PDE1C: variants seen among roughly 807,000 people sequenced by gnomAD.
The protein encoded by PDE1C is phosphodiesterase 1C.
Under a neutral mutation model 93.1 loss-of-function variants are expected in PDE1C, and 62 were observed. The ratio of observed to expected loss-of-function variants is 0.67; its 90% confidence interval spans 0.54 to 0.82. The LOEUF (loss-of-function observed/expected upper bound fraction) is 0.82, where lower values mean the gene tolerates loss of function less well. Ranked by LOEUF, PDE1C falls within the 40% of genes least tolerant of loss-of-function variation. The probability of loss-of-function intolerance (pLI) is 0.00; values close to 1 mark genes in which losing one functional copy is unlikely to be tolerated. For missense variants in PDE1C, 742 were observed against 884.6 expected, an observed-to-expected ratio of 0.84 and a Z score of 2.04; for synonymous variants, 325 against 310.1, an observed-to-expected ratio of 1.05 and a Z score of -0.50.
rs367818926 is a variant in PDE1C at position 31,758,113 on chromosome 7, C to T, written c.1961-4560G>A. Among the ~76,000 whole-genome samples, 14 of 152,084 alleles carry T rather than the reference C, an allele frequency of 9.2e-5. 1 individual carries two copies. Among genetic ancestry groups the T allele is most frequent in the South Asian group, 2.1e-4 (1 of 4,816 alleles). On this transcript the variant is annotated intron_variant, in intron 17 of 17. Coordinates refer to ENST00000396191, the MANE Select transcript of PDE1C (RefSeq NM_001191057.4). ...ATTGAACAATGAGAACACTTGGGCA[C>T]GAGAAGGGGAACATCACACACCAGG...
chr7:32,320,613 G>GCA (rs1279102399), intron 1 of PDE1C, among the ~76,000 whole-genome samples: 2 of 134,312 alleles, frequency 1.5e-5, no homozygotes, highest in Admixed American at 7.1e-5. Flanking sequence ...AGGTGCTTAG[G>GCA]CACACACATA....
At position 32,248,861 on chromosome 7, in the gene PDE1C, C is replaced by T. The variant is rs537557505; in HGVS notation, c.86-39322G>A. Among the ~76,000 whole-genome samples, 6 of 152,170 alleles carry T rather than the reference C, an allele frequency of 3.9e-5. No homozygotes were observed. The East Asian group carries it at 1.2e-3, about 29-fold the overall frequency. ...GCTTCCTTTTGTTTTTTGCTTTGTA[C>T]GTGAATGCTGCTGTGTATGGGAAGA... On this transcript the variant is annotated intron_variant, in intron 1 of 18. Coordinates refer to the PDE1C transcript ENST00000396193.
intron 6 of PDE1C, among the ~76,000 whole-genome samples, chr7:31,869,510 G>A (rs1000652326): frequency 1.3e-5 from 2 of 151,894 alleles, no homozygotes; most frequent in Non-Finnish European, 2.9e-5. Context: ...GTCAAAAATG[G>A]TAAAAAGAGA....
chr7:31,623,399 A>C, the PDE1C span, among the ~76,000 whole-genome samples: 21 of 150,632 alleles, frequency 1.4e-4, no homozygotes, highest in South Asian at 2.1e-4. Context: ...CAAAAAGCTT[A>C]TCCACCATGA....
the PDE1C span, among the ~76,000 whole-genome samples, chr7:31,711,611 C>G: frequency 6.6e-6 from 1 of 152,132 alleles, no homozygotes; most frequent in Non-Finnish European, 1.5e-5. Flanking sequence ...CCCTCTCTCT[C>G]TTAATTTTTG....
At chr7:32,282,581 TTC>T (rs1464114360) in intron 1 of PDE1C, among the ~76,000 whole-genome samples, 1 of 33,006 alleles carries the variant, frequency 3.0e-5, no homozygotes, top group Admixed American at 5.6e-4. Flanking sequence ...GTTTTATGTC[TTC>T]TTTTTTTTTT....
intron 1 of PDE1C, among the ~76,000 whole-genome samples, chr7:32,209,962 C>G (rs1805879445): frequency 6.6e-6 from 1 of 152,130 alleles, no homozygotes; most frequent in Non-Finnish European, 1.5e-5. Context: ...TTCCTAGGAT[C>G]CATAGGGGCA....
chr7:31,729,124 C>G, the PDE1C span, among the ~76,000 whole-genome samples: 1 of 152,158 alleles, frequency 6.6e-6, no homozygotes, highest in Non-Finnish European at 1.5e-5. Context: ...TTACGAGGAC[C>G]AAATGTAAAA....
At chr7:31,756,764 G>A (rs1234222590) in intron 17 of PDE1C, among the ~76,000 whole-genome samples, 1 of 152,096 alleles carries the variant, frequency 6.6e-6, no homozygotes, top group Non-Finnish European at 1.5e-5. Context: ...CATGAATAAA[G>A]GTGAAAACAA....
chr7:31,757,811 G>A (rs545791441), intron 17 of PDE1C, among the ~76,000 whole-genome samples: 105 of 152,204 alleles, frequency 6.9e-4, no homozygotes, highest in Non-Finnish European at 1.2e-3. Context: ...ATACCCAAAG[G>A]ATTATAAATC....
At chr7:32,008,011 A>T (rs1383715103) in intron 2 of PDE1C, among the ~76,000 whole-genome samples, 1 of 152,208 alleles carries the variant, frequency 6.6e-6, no homozygotes, top group African/African-American at 2.4e-5. Flanking sequence ...TACAAACAAA[A>T]TATCCAGATA....
chr7:32,149,816 A>G (rs940756796), intron 3 of PDE1C, among the ~76,000 whole-genome samples: 1 of 149,034 alleles, frequency 6.7e-6, no homozygotes, highest in Non-Finnish European at 1.5e-5. Context: ...CTTTTATAAC[A>G]AAAAACTTCT....
chr7:32,387,888 G>A (rs1434937995), intron 1 of PDE1C, among the ~76,000 whole-genome samples: 3 of 149,614 alleles, frequency 2.0e-5, no homozygotes, highest in Non-Finnish European at 4.5e-5. Flanking sequence ...GGACGGGGCG[G>A]CTGAGGACAC....
intron 2 of PDE1C, among the ~76,000 whole-genome samples, chr7:31,978,066 C>T (rs965435761): frequency 3.3e-5 from 5 of 152,140 alleles, no homozygotes; most frequent in African/African-American, 7.2e-5. Context: ...GCTGATCATT[C>T]GCAGAGCCAG....
the PDE1C span, among the ~76,000 whole-genome samples, chr7:31,731,456 TCTC>T: frequency 6.6e-6 from 1 of 152,162 alleles, no homozygotes; most frequent in African/African-American, 2.4e-5. Context: ...AGTGGTGTGA[TCTC>T]AGCTCACTGC....
At chr7:31,993,048 T>G (rs1784326412) in intron 2 of PDE1C, among the ~76,000 whole-genome samples, 1 of 152,204 alleles carries the variant, frequency 6.6e-6, no homozygotes, top group South Asian at 2.1e-4. Flanking sequence ...CTAAAAACAT[T>G]TCTTATGGAT....
the PDE1C span, among the ~76,000 whole-genome samples, chr7:31,718,052 C>T: frequency 7.9e-5 from 12 of 152,158 alleles, no homozygotes; most frequent in African/African-American, 2.6e-4. Flanking sequence ...CTATGTGACC[C>T]CCTGAGGTTC....
chr7:32,074,964 G>C (rs1045988917), upstream of PDE1C, among the ~76,000 whole-genome samples: 4 of 152,312 alleles, frequency 2.6e-5, no homozygotes, highest in Non-Finnish European at 5.9e-5. Context: ...ATGTCAGGGA[G>C]CCATGGGCAC....
intron 2 of PDE1C, among the ~76,000 whole-genome samples, chr7:32,206,166 T>C (rs1364407324): frequency 6.6e-6 from 1 of 152,108 alleles, no homozygotes; most frequent in African/African-American, 2.4e-5. Flanking sequence ...TGGTGGCTGC[T>C]GGGGACTCTC....
Sources: allele counts gnomAD v4.1 joint callset (sites outside exome capture counted in the v4.1 genomes callset), GRCh38; gene constraint gnomAD v4.1.1; transcripts MANE v1.5; gene names NCBI Gene and HGNC (gene_info 2026-07-23, HGNC 2026-07-21).